SLC12A8: variants seen among roughly 807,000 people sequenced by gnomAD.
SLC12A8 encodes the protein cation-chloride cotransporter 9.
SLC12A8 carries 69 observed loss-of-function variants against 75.6 expected under a neutral mutation model. The ratio of observed to expected loss-of-function variants is 0.91; its 90% CI spans 0.75 to 1.11. The LOEUF is 1.11. Among genes scored for constraint, SLC12A8 ranks in the 50% most tolerant of loss-of-function variants. The pLI, the probability that SLC12A8 is intolerant of heterozygous loss-of-function variation, is 0.00. For synonymous variants in SLC12A8, 365 were observed against 372.8 expected (o/e 0.98, Z 0.24); for missense variants, 877 against 896.7 (o/e 0.98, Z 0.28).
At position 125,083,987 on chromosome 3, in the gene SLC12A8, A is replaced by T. The variant is rs771266464; in HGVS notation, c.2048T>A (p.Met683Lys). The change falls in exon 14 of 14, where the codon ATG (methionine) becomes AAG (lysine). Residue 683 changes from methionine to lysine, a missense_variant. Transcript: ENST00000469902. ...TGCATTCTCCTGGGTGAGCTGAGTCATCTCCATGTCAACCTTAGCCAGGGA... is the reference window on the plus strand; with the variant it reads ...TGCATTCTCCTGGGTGAGCTGAGTCTTCTCCATGTCAACCTTAGCCAGGGA... ...APSLAKVDME[M>K]TQLTQENADF... is the part of the protein sequence containing the mutation. 13 of 1,613,522 alleles carry T rather than the reference A, an allele frequency of 8.1e-6. No homozygotes were observed. The East Asian group carries it at 2.7e-4, about 33-fold the overall frequency.
At chr3:125,175,539 T>C (rs1289688162) in intron 5 of SLC12A8, among the ~76,000 whole-genome samples, 1 of 152,098 alleles carries the variant, frequency 6.6e-6, no homozygotes, top group East Asian at 1.9e-4. Context: ...AGAAGGAAAA[T>C]ACATCAGGCT....
chr3:125,211,203 T>G (rs775464281), intron 2 of SLC12A8, 96 bp downstream of exon 2: 3 of 1,012,796 alleles, frequency 3.0e-6, no homozygotes, highest in Non-Finnish European at 4.7e-6. Context: ...TAATTACATC[T>G]AAAGGGTGCG....
chr3:125,085,912 T>C (rs1040028506), intron 13 of SLC12A8, among the ~76,000 whole-genome samples: 11 of 63,106 alleles, frequency 1.7e-4, no homozygotes, highest in Admixed American at 5.0e-4. Context: ...TTTTTTTTTC[T>C]TTTTTTTTTT....
intron 5 of SLC12A8, among the ~76,000 whole-genome samples, chr3:125,145,994 A>T (rs113420172): frequency 4.9e-4 from 75 of 152,202 alleles, no homozygotes; most frequent in African/African-American, 1.8e-3. Flanking sequence ...ATGCTCAGCT[A>T]ATTTTTTATA....
intron 5 of SLC12A8, among the ~76,000 whole-genome samples, chr3:125,142,933 T>C (rs1933684980): frequency 6.6e-6 from 1 of 152,248 alleles, no homozygotes. Flanking sequence ...GACTCTGTGA[T>C]TGTTGATACA....
At chr3:125,209,469 C>A (rs181550702) in intron 2 of SLC12A8, among the ~76,000 whole-genome samples, 1 of 152,352 alleles carries the variant, frequency 6.6e-6, no homozygotes, top group African/African-American at 2.4e-5. Context: ...CTTCCCAAGT[C>A]CACCATATGT....
At chr3:125,193,329 C>G (rs902439170) in intron 2 of SLC12A8, among the ~76,000 whole-genome samples, 2 of 152,158 alleles carry the variant, frequency 1.3e-5, no homozygotes, top group East Asian at 3.9e-4. Flanking sequence ...GAGATTGCAC[C>G]ACTGCACTCC....
intron 10 of SLC12A8, among the ~76,000 whole-genome samples, chr3:125,098,880 G>A (rs539965755): frequency 1.8e-4 from 27 of 152,224 alleles, no homozygotes; most frequent in African/African-American, 5.8e-4. Flanking sequence ...AATGAATGGG[G>A]AAAATCCTTG....
intron 5 of SLC12A8, among the ~76,000 whole-genome samples, chr3:125,141,673 A>G (rs974857929): frequency 2.6e-5 from 4 of 151,932 alleles, no homozygotes; most frequent in East Asian, 2.0e-4. Context: ...CTGGGGCTGC[A>G]GGCTGCGGGC....
intron 4 of SLC12A8, among the ~76,000 whole-genome samples, chr3:125,181,530 A>G (rs1013036906): frequency 2.1e-5 from 3 of 144,860 alleles, no homozygotes; most frequent in Non-Finnish European, 4.5e-5. Flanking sequence ...GAACCCGGGA[A>G]GCGGAGCTTG....
chr3:125,168,843 G>A lies in SLC12A8; in HGVS notation c.622+8900C>T, dbSNP rs141702693. Among the ~76,000 whole-genome samples, 4 of 152,222 alleles carry A rather than the reference G, an allele frequency of 2.6e-5. No homozygotes were observed. In the East Asian group the frequency reaches 7.7e-4, roughly 29 times the overall value. On this transcript the variant is annotated intron_variant, in intron 5 of 13. Transcript: ENST00000469902. ...ACCTTGTCCTCACAGCCAAGCACAA[G>A]CCCCCTCCCTCACCCAGCAGAAGCA...
chr3:125,136,411 G>T (rs571058077), intron 5 of SLC12A8, among the ~76,000 whole-genome samples: 3 of 152,148 alleles, frequency 2.0e-5, no homozygotes, highest in Non-Finnish European at 4.4e-5. Context: ...CCCAAATGGT[G>T]CTCCTTTGGG....
At chr3:125,130,568 G>T (rs1369381521) in intron 6 of SLC12A8, among the ~76,000 whole-genome samples, 3 of 150,636 alleles carry the variant, frequency 2.0e-5, no homozygotes, top group Non-Finnish European at 4.4e-5. Flanking sequence ...CTCCAGCCTG[G>T]GTGACAGAGC....
chr3:125,209,541 G>T (rs939783273), intron 2 of SLC12A8, among the ~76,000 whole-genome samples: 2 of 152,158 alleles, frequency 1.3e-5, no homozygotes, highest in African/African-American at 2.4e-5. Flanking sequence ...TCCTAGCCAG[G>T]TAAGTTCAGT....
chr3:125,088,263 C>T (rs1309905853), intron 13 of SLC12A8, 47 bp downstream of exon 13: 1 of 1,596,178 alleles, frequency 6.3e-7, no homozygotes, highest in African/African-American at 1.3e-5. Context: ...CCTCCCAGGA[C>T]TCTGGACACT....
chr3:125,159,635 G>C (rs1934125037), intron 5 of SLC12A8, among the ~76,000 whole-genome samples: 1 of 151,694 alleles, frequency 6.6e-6, no homozygotes, highest in South Asian at 2.1e-4. Context: ...GAGAGATGGA[G>C]GCCTTGGCCT....
At chr3:125,144,579 CT>C (rs2107767060) in intron 5 of SLC12A8, among the ~76,000 whole-genome samples, 1 of 152,200 alleles carries the variant, frequency 6.6e-6, no homozygotes, top group South Asian at 2.1e-4. Context: ...GGATAACGGG[CT>C]GTTTTAACGG....
At chr3:125,139,852 G>A (rs370506857) in intron 5 of SLC12A8, among the ~76,000 whole-genome samples, 27 of 152,314 alleles carry the variant, frequency 1.8e-4, no homozygotes, top group Middle Eastern at 3.4e-3. Context: ...GCCCCCATTT[G>A]AGAGTCTGAT....
At chr3:125,156,929 A>G (rs2993634) in intron 5 of SLC12A8, among the ~76,000 whole-genome samples, 7,032 of 152,270 alleles carry the variant, frequency 0.046, 246 homozygotes, top group Admixed American at 0.077. Context: ...TTTAAAACGC[A>G]TGTTGAATTT....
Sources: allele counts gnomAD v4.1 joint callset (sites outside exome capture counted in the v4.1 genomes callset), GRCh38; gene constraint gnomAD v4.1.1; transcripts MANE v1.5; gene names NCBI Gene and HGNC (gene_info 2026-07-23, HGNC 2026-07-21).